Variants in TMEM108 observed in about 807,000 individuals in gnomAD.
TMEM108 encodes transmembrane protein 108.
In TMEM108, 12 loss-of-function variants were observed where a neutral mutation model predicts 35.1. The observed-to-expected ratio is 0.34, with a 90% CI of 0.22 to 0.55. The LOEUF is 0.55. Among genes scored for constraint, TMEM108 ranks in the 20% least tolerant of loss-of-function variants. The pLI is 0.89. For synonymous variants in TMEM108, 287 were observed against 308.6 expected (o/e 0.93, Z 0.73); for missense variants, 680 against 753.3 (o/e 0.90, Z 1.14).
intron 2 of TMEM108, among the ~76,000 whole-genome samples, chr3:133,154,678 A>G (rs13317283): frequency 0.23 from 34,221 of 151,526 alleles, 4,816 homozygotes; most frequent in Non-Finnish European, 0.32. Context: ...ACATGGACAC[A>G]GGAAGGGGAA....
intron 2 of TMEM108, among the ~76,000 whole-genome samples, chr3:133,079,353 C>A (rs927822778): frequency 6.6e-6 from 1 of 152,078 alleles, no homozygotes; most frequent in Non-Finnish European, 1.5e-5. Context: ...TTTGCAGGTG[C>A]CTTAGTCCGT....
intron 2 of TMEM108, among the ~76,000 whole-genome samples, chr3:133,106,496 G>A (rs1461437575): frequency 6.6e-6 from 1 of 152,088 alleles, no homozygotes; most frequent in African/African-American, 2.4e-5. Context: ...TAGCCTCCAG[G>A]GTGGCCAACC....
chr3:133,307,201 C>A (rs2071054510), intron 3 of TMEM108, among the ~76,000 whole-genome samples: 1 of 152,048 alleles, frequency 6.6e-6, no homozygotes. Context: ...TAACCTTTGC[C>A]CACTTTATGA....
intron 2 of TMEM108, among the ~76,000 whole-genome samples, chr3:133,182,260 C>CA (rs1360029739): frequency 2.0e-5 from 3 of 152,124 alleles, no homozygotes; most frequent in African/African-American, 7.2e-5. Context: ...CCTTCAGGAC[C>CA]AATAGTCCTA....
At chr3:133,353,132 G>T (rs548452446) in intron 3 of TMEM108, among the ~76,000 whole-genome samples, 1 of 152,160 alleles carries the variant, frequency 6.6e-6, no homozygotes, top group Non-Finnish European at 1.5e-5. Context: ...GAAATGTCTC[G>T]TGAAACAAAG....
At chr3:133,051,673 T>A (rs1943407858) in intron 2 of TMEM108, among the ~76,000 whole-genome samples, 1 of 152,182 alleles carries the variant, frequency 6.6e-6, no homozygotes, top group Non-Finnish European at 1.5e-5. Flanking sequence ...GTGATCCATT[T>A]TGAGTTAATT....
At chr3:133,072,397 G>A (rs1943687024) in intron 2 of TMEM108, among the ~76,000 whole-genome samples, 2 of 151,890 alleles carry the variant, frequency 1.3e-5, no homozygotes, top group Non-Finnish European at 2.9e-5. Flanking sequence ...TTTACCTCAG[G>A]ATTTAGCCAA....
chr3:133,156,663 T>C lies in TMEM108; in HGVS notation c.-46-72603T>C, dbSNP rs184969483. 8.0e-4 allele frequency among the ~76,000 whole-genome samples: 122 copies of C among 152,336 alleles called. 2 individuals are homozygous for C. Among genetic ancestry groups the C allele is most frequent in the South Asian group, 5.4e-3 (26 of 4,832 alleles). On this transcript the variant is annotated intron_variant, in intron 2 of 5. Coordinates refer to ENST00000321871, the MANE Select transcript of TMEM108 (RefSeq NM_023943.4). ...GAGAAAGAACAATGCAGGATTCTTA[T>C]ATAAGATTGTCATTTGTGATGTACA...
At chr3:133,060,101 C>A (rs1248215765) in intron 2 of TMEM108, among the ~76,000 whole-genome samples, 1 of 152,052 alleles carries the variant, frequency 6.6e-6, no homozygotes, top group African/African-American at 2.4e-5. Flanking sequence ...CCTTTTGTGC[C>A]AGGCACTGTG....
At chr3:133,113,377 A>C (rs188175773) in intron 2 of TMEM108, among the ~76,000 whole-genome samples, 6 of 152,192 alleles carry the variant, frequency 3.9e-5, no homozygotes, top group Non-Finnish European at 8.8e-5. Context: ...CATGTTTTCA[A>C]AATAAGCATT....
At chr3:133,073,533 T>TATCA (rs1553729972) in intron 2 of TMEM108, among the ~76,000 whole-genome samples, 1 of 141,144 alleles carries the variant, frequency 7.1e-6, no homozygotes, top group African/African-American at 2.7e-5. Context: ...TATATATATA[T>TATCA]ATCACATTTT....
chr3:133,114,507 G>A (rs1434590399), intron 2 of TMEM108, among the ~76,000 whole-genome samples: 2 of 151,976 alleles, frequency 1.3e-5, no homozygotes, highest in South Asian at 2.1e-4. Context: ...TTTGTAATTC[G>A]GTGAGTTTTG....
intron 2 of TMEM108, among the ~76,000 whole-genome samples, chr3:133,114,427 C>T (rs1238247738): frequency 9.9e-5 from 15 of 152,268 alleles, no homozygotes; most frequent in African/African-American, 3.6e-4. Context: ...GCTGGCGAGT[C>T]ATAATGTAAC....
At chr3:133,103,102 A>G (rs984253115) in intron 2 of TMEM108, among the ~76,000 whole-genome samples, 7 of 152,348 alleles carry the variant, frequency 4.6e-5, no homozygotes, top group African/African-American at 1.4e-4. Flanking sequence ...CCAAAGGAAT[A>G]TAAATTATTC....
chr3:133,367,928 C>G (rs781068113), intron 3 of TMEM108, among the ~76,000 whole-genome samples: 1 of 152,188 alleles, frequency 6.6e-6, no homozygotes, highest in Non-Finnish European at 1.5e-5. Context: ...CCCCAATGTT[C>G]TTTTTAGGTA....
intron 3 of TMEM108, among the ~76,000 whole-genome samples, chr3:133,281,551 G>A (rs538093693): frequency 2.0e-5 from 3 of 152,324 alleles, no homozygotes; most frequent in Admixed American, 6.5e-5. Context: ...AAACTGTTAC[G>A]TCACGTGGCT....
intron 3 of TMEM108, among the ~76,000 whole-genome samples, chr3:133,365,235 C>T (rs766314720): frequency 1.2e-4 from 18 of 152,030 alleles, no homozygotes; most frequent in Admixed American, 6.6e-4. Flanking sequence ...TACATCAACC[C>T]GATGCAAAAT....
chr3:133,267,806 A>G (rs1437964171), intron 3 of TMEM108, among the ~76,000 whole-genome samples: 1 of 152,208 alleles, frequency 6.6e-6, no homozygotes, highest in Non-Finnish European at 1.5e-5. Context: ...CTCTTGATAG[A>G]CCTACTCACA....
intron 2 of TMEM108, among the ~76,000 whole-genome samples, chr3:133,160,091 G>A (rs1328037018): frequency 2.0e-5 from 3 of 152,196 alleles, no homozygotes; most frequent in African/African-American, 4.8e-5. Context: ...TTCCTGTGGT[G>A]TGCTTAAGAG....
Sources: gnomAD v4.1 joint callset for allele counts (sites outside exome capture counted in the v4.1 genomes callset) on GRCh38, gnomAD v4.1.1 for gene constraint, MANE v1.5 for transcripts, NCBI Gene and HGNC (gene_info 2026-07-23, HGNC 2026-07-21) for gene names.